The following GTF2IRD1 variants were observed in gnomAD, a reference collection of about 807,000 sequenced individuals.
GTF2IRD1 encodes GTF2I repeat domain containing 1.
GTF2IRD1 carries 26 observed loss-of-function variants against 113.2 expected under a neutral mutation model. The ratio of observed to expected loss-of-function variants is 0.23; its 90% CI spans 0.17 to 0.32. The LOEUF (loss-of-function observed/expected upper bound fraction) is 0.32, where lower values mean the gene tolerates loss of function less well. GTF2IRD1 is among the 10% of genes least tolerant of loss of function. GTF2IRD1 has a pLI of 1.00. For synonymous variants in GTF2IRD1, 484 were observed against 529.1 expected (o/e 0.91, Z 1.17); for missense variants, 864 against 1,280.8 (o/e 0.67, Z 4.97).
chr7:74,564,662 G>A (rs1230934544), intron 22 of GTF2IRD1, among the ~76,000 whole-genome samples: 11 of 152,260 alleles, frequency 7.2e-5, no homozygotes, highest in South Asian at 4.1e-4. Context: ...AGGCTGAGGC[G>A]GGAGGATCCC....
intron 4 of GTF2IRD1, 30 bp downstream of exon 4, chr7:74,515,626 C>T (rs782811219): frequency 1.9e-6 from 3 of 1,584,886 alleles, no homozygotes; most frequent in Non-Finnish European, 2.6e-6. Context: ...CATTTGGGGG[C>T]CCCAGGGAGG....
At chr7:74,602,341 C>G in intron 26 of GTF2IRD1, 24 bp from the exon 27 acceptor site, 1 of 1,610,010 alleles carries the variant, frequency 6.2e-7, no homozygotes, top group Non-Finnish European at 8.5e-7. Flanking sequence ...AGTCCTAATC[C>G]AGTCCCTTTG....
chr7:74,514,532 T>C (rs1341508287), intron 3 of GTF2IRD1, among the ~76,000 whole-genome samples: 1 of 152,122 alleles, frequency 6.6e-6, no homozygotes, highest in Non-Finnish European at 1.5e-5. Flanking sequence ...GGCTCCAAGC[T>C]GGGAGGGGGC....
At position 74,600,997 on chromosome 7, in the gene GTF2IRD1, G is replaced by C. The variant is rs782009513; in HGVS notation, c.2630-47G>C. On this transcript the variant is annotated intron_variant, in intron 25 of 26. Coordinates refer to ENST00000424337, the MANE Select transcript of GTF2IRD1 (RefSeq NM_005685.4). Reference sequence around the variant, plus strand: ...CCAGGGAGCTCAGGAGGCTGAGACAGAAAAGCCTCAGCTTCCAGTGTCAAC... The same window carrying C: ...CCAGGGAGCTCAGGAGGCTGAGACACAAAAGCCTCAGCTTCCAGTGTCAAC... 3.1e-6 allele frequency: 5 copies of C among 1,606,438 alleles called. No homozygotes were observed. In the East Asian group the frequency reaches 1.1e-4, roughly 36 times the overall value.
Position 74,529,894 on chromosome 7 carries a change from T to C in GTF2IRD1, c.1251T>C (p.His417=). The C allele has an allele frequency of 6.2e-7, 1 of 1,613,734 alleles. No homozygotes were observed. ...PKLKRILEER[H]SIHFIIKRMF... is the part of the protein sequence containing the mutation. ...TGAAGCGGATCCTGGAGGAGCGCCA[T>C]AGTATCCACTTCATCATTAAGAGGT... Residue 417 remains histidine, a synonymous_variant, in exon 9 of 27, where the codon CAT becomes CAC. Coordinates refer to ENST00000424337, the MANE Select transcript of GTF2IRD1 (RefSeq NM_005685.4).
intron 3 of GTF2IRD1, among the ~76,000 whole-genome samples, chr7:74,514,052 C>T (rs1796781533): frequency 6.6e-6 from 1 of 152,040 alleles, no homozygotes; most frequent in Admixed American, 6.5e-5. Context: ...GAACGGGCCG[C>T]CTGGGTCCAC....
At chr7:74,569,072 T>C (rs1245781791) in intron 22 of GTF2IRD1, among the ~76,000 whole-genome samples, 1 of 152,124 alleles carries the variant, frequency 6.6e-6, no homozygotes, top group African/African-American at 2.4e-5. Context: ...CCACCCTCAG[T>C]AAAGACTAAC....
intron 22 of GTF2IRD1, among the ~76,000 whole-genome samples, chr7:74,573,960 T>C (rs1449597210): frequency 1.3e-5 from 2 of 152,046 alleles, no homozygotes; most frequent in Non-Finnish European, 2.9e-5. Flanking sequence ...TTATTATTAT[T>C]TCATTATTCT....
chr7:74,558,247 C>G (rs1799717898), intron 20 of GTF2IRD1, among the ~76,000 whole-genome samples: 1 of 146,408 alleles, frequency 6.8e-6, no homozygotes, highest in Non-Finnish European at 1.5e-5. Context: ...CCATTGCATT[C>G]CAGCCTAGGC....
intron 14 of GTF2IRD1, among the ~76,000 whole-genome samples, chr7:74,543,526 C>G (rs1554352343): frequency 2.0e-5 from 3 of 152,070 alleles, no homozygotes; most frequent in Admixed American, 6.6e-5. Context: ...CCAGGACCAC[C>G]ATGGATTAGA....
At chr7:74,569,146 G>A (rs1185065851) in intron 22 of GTF2IRD1, among the ~76,000 whole-genome samples, 1 of 152,180 alleles carries the variant, frequency 6.6e-6, no homozygotes, top group Admixed American at 6.5e-5. Context: ...CACACATCGG[G>A]GGGTCAGGGA....
At chr7:74,553,177 T>G (rs1204809973) in intron 17 of GTF2IRD1, among the ~76,000 whole-genome samples, 1 of 151,354 alleles carries the variant, frequency 6.6e-6, no homozygotes, top group Non-Finnish European at 1.5e-5. Context: ...CACTCCAGGC[T>G]GGAGTACAGT....
At chr7:74,539,540 T>TA (rs1321737741) in intron 13 of GTF2IRD1, among the ~76,000 whole-genome samples, 1 of 151,938 alleles carries the variant, frequency 6.6e-6, no homozygotes, top group African/African-American at 2.4e-5. Context: ...GGTCAGGAGT[T>TA]AGAGACCAGC....
chr7:74,593,279 A>G (rs1216487484), intron 24 of GTF2IRD1, among the ~76,000 whole-genome samples: 1 of 151,940 alleles, frequency 6.6e-6, no homozygotes, highest in Non-Finnish European at 1.5e-5. Flanking sequence ...TAACAACTAG[A>G]AAATGCAGGA....
At chr7:74,510,892 T>C (rs1404684465) in intron 2 of GTF2IRD1, among the ~76,000 whole-genome samples, 1 of 151,672 alleles carries the variant, frequency 6.6e-6, no homozygotes, top group Non-Finnish European at 1.5e-5. Flanking sequence ...CTACTGAAAA[T>C]ACAAAAATTA....
At chr7:74,478,292 T>C (rs1197651240) in intron 1 of GTF2IRD1, among the ~76,000 whole-genome samples, 1 of 152,164 alleles carries the variant, frequency 6.6e-6, no homozygotes, top group Non-Finnish European at 1.5e-5. Context: ...GCTTGAGCAA[T>C]CGTCCCCGTC....
At chr7:74,468,783 C>T (rs1454554891) in intron 1 of GTF2IRD1, among the ~76,000 whole-genome samples, 3 of 148,356 alleles carry the variant, frequency 2.0e-5, no homozygotes, top group Admixed American at 6.8e-5. Flanking sequence ...TTATTTATTC[C>T]TCATAAGAAA....
At chr7:74,557,538 G>C (rs1464318994) in intron 19 of GTF2IRD1, 101 bp from the exon 20 acceptor site, 2 of 732,904 alleles carry the variant, frequency 2.7e-6, no homozygotes, top group African/African-American at 3.5e-5. Context: ...TTTAATTGCC[G>C]GAGAAGGAGT....
intron 25 of GTF2IRD1, among the ~76,000 whole-genome samples, chr7:74,595,770 G>T (rs1256641921): frequency 3.3e-5 from 5 of 152,214 alleles, no homozygotes; most frequent in Admixed American, 2.6e-4. Context: ...TCAGCTGGAA[G>T]GACAAGAGGC....
Sources: allele counts gnomAD v4.1 joint callset (sites outside exome capture counted in the v4.1 genomes callset), GRCh38; gene constraint gnomAD v4.1.1; transcripts MANE v1.5; gene names NCBI Gene and HGNC (gene_info 2026-07-23, HGNC 2026-07-21).